The following DMD variants were observed in gnomAD, a reference collection of about 807,000 sequenced individuals.
DMD encodes the protein mutant dystrophin.
In DMD, 63 loss-of-function variants were observed where a neutral mutation model predicts 330.1. The ratio of observed to expected loss-of-function variants is 0.19; its 90% CI spans 0.16 to 0.24. The LOEUF (loss-of-function observed/expected upper bound fraction) is 0.24, where lower values mean the gene tolerates loss of function less well. DMD is among the 10% of genes least tolerant of loss of function. DMD has a pLI of 1.00. For missense variants in DMD, 3,344 were observed against 2,684.1 expected (o/e 1.25, Z -5.43); for synonymous variants, 1,223 against 959.8 (o/e 1.27, Z -5.07).
intron 1 of DMD, among the ~76,000 whole-genome samples, chrX:33,062,943 A>G (rs2094600106): frequency 2.7e-5 from 3 of 112,227 alleles, no homozygotes. Flanking sequence ...TCAATTCACC[A>G]TCTGTGCCAC....
intron 44 of DMD, among the ~76,000 whole-genome samples, chrX:32,121,983 A>AG (rs1387427985): frequency 9.0e-6 from 1 of 110,657 alleles, no homozygotes; most frequent in East Asian, 2.9e-4. Flanking sequence ...ATGGTGAACT[A>AG]GGGACAAAGT....
chrX:31,408,023 G>A (rs2148877243), intron 60 of DMD, among the ~76,000 whole-genome samples: 1 of 112,205 alleles, frequency 8.9e-6, no homozygotes, highest in South Asian at 3.7e-4. Flanking sequence ...GGTCTAAAAT[G>A]TTTCGATTTA....
At chrX:31,362,482 C>G (rs2058989574) in intron 60 of DMD, among the ~76,000 whole-genome samples, 1 of 112,146 alleles carries the variant, frequency 8.9e-6, no homozygotes, top group South Asian at 3.7e-4. Context: ...AGGCTTGGGT[C>G]CCATCCCAAG....
At chrX:31,376,995 T>C (rs368719376) in intron 60 of DMD, among the ~76,000 whole-genome samples, 9 of 112,203 alleles carry the variant, frequency 8.0e-5, no homozygotes, top group East Asian at 5.5e-4. Context: ...AAAAACAAAT[T>C]GCCCCATTTG....
At chrX:32,673,311 C>CCT (rs2061748829) in intron 9 of DMD, among the ~76,000 whole-genome samples, 1 of 111,271 alleles carries the variant, frequency 9.0e-6, no homozygotes, top group Non-Finnish European at 1.9e-5. Flanking sequence ...TATCCTAAGT[C>CCT]ATGTGCCTTA....
chrX:32,680,108 T>G (rs2062291956), intron 9 of DMD, among the ~76,000 whole-genome samples: 1 of 107,258 alleles, frequency 9.3e-6, no homozygotes. Context: ...GAGACGGGGC[T>G]TCACCATGTT....
At chrX:31,737,128 C>A (rs2086932960) in intron 51 of DMD, among the ~76,000 whole-genome samples, 1 of 111,648 alleles carries the variant, frequency 9.0e-6, no homozygotes, top group African/African-American at 3.2e-5. Context: ...AGAAGTTAAA[C>A]AATTTGTCTA....
intron 2 of DMD, among the ~76,000 whole-genome samples, chrX:32,916,317 A>G (rs983196364): frequency 1.8e-5 from 2 of 111,770 alleles, no homozygotes; most frequent in Non-Finnish European, 3.8e-5. Context: ...AAGGGTAACT[A>G]GAAATATTTT....
intron 65 of DMD, among the ~76,000 whole-genome samples, chrX:31,207,334 T>C (rs903755192): frequency 2.0e-4 from 22 of 112,106 alleles, no homozygotes; most frequent in Non-Finnish European, 3.8e-5. Context: ...TTTATTTGCA[T>C]AGCATTTTCT....
chrX:32,774,740 A>G (rs2073972889), intron 7 of DMD, among the ~76,000 whole-genome samples: 1 of 111,209 alleles, frequency 9.0e-6, no homozygotes, highest in Admixed American at 9.6e-5. Flanking sequence ...ACAATTTGAG[A>G]CAAAATTTGG....
Position 33,129,325 on chromosome X carries a change from C to CTTTTTTTTTT in DMD, c.31+81947_31+81956dup, listed in dbSNP as rs58505662. Among the ~76,000 whole-genome samples, 214 of 30,716 alleles carry CTTTTTTTTTT rather than the reference C, an allele frequency of 7.0e-3. 68 individuals are homozygous for CTTTTTTTTTT. Among genetic ancestry groups the CTTTTTTTTTT allele is most frequent in the Admixed American group, 8.5e-3 (13 of 1,529 alleles). 26.7% of individuals were successfully genotyped at this position (30,716 alleles called of 115,157 possible). On this transcript the variant is annotated intron_variant, in intron 1 of 78. Coordinates refer to ENST00000357033, the MANE Select transcript of DMD (RefSeq NM_004006.3). ...AATCCAGAGTTACAGTTAAGGTTTG[C>CTTTTTTTTTT]TTTTTTTTTTTTTTTTTTTTTTTTT...
rs372336961 is a variant in DMD, at chrX:32,594,209, T to A, written c.1602+1548A>T. ...TCTAACTCAGGGTGTTAAGTATGCATCTCTCTTCCTTATTGGACTAAATGG... is the reference window on the plus strand; with the variant it reads ...TCTAACTCAGGGTGTTAAGTATGCAACTCTCTTCCTTATTGGACTAAATGG... On this transcript the variant is annotated intron_variant, in intron 13 of 78. Coordinates refer to ENST00000357033, the MANE Select transcript of DMD (RefSeq NM_004006.3). 8.0e-5 allele frequency among the ~76,000 whole-genome samples: 9 copies of A among 111,963 alleles called. No homozygotes were observed. In the South Asian group the frequency reaches 3.3e-3, roughly 41 times the overall value.
intron 5 of DMD, among the ~76,000 whole-genome samples, chrX:32,818,398 G>T (rs2077935720): frequency 9.0e-6 from 1 of 111,022 alleles, no homozygotes; most frequent in African/African-American, 3.3e-5. Flanking sequence ...AATAATAAAG[G>T]GCAATGTATG....
rs1569539279 is a variant in DMD at position 32,887,769 on chromosome X, A to AC, written c.94-37950_94-37949insG. Among the ~76,000 whole-genome samples, 29 of 102,103 alleles carry AC rather than the reference A, an allele frequency of 2.8e-4. 1 individual carries two copies. The highest frequency in any genetic ancestry group is 6.9e-4 in the African/African-American group (19 of 27,341). The allele number at this position is 102,103 out of a possible 115,157, so 88.7% of individuals were successfully genotyped here. On this transcript the variant is annotated intron_variant, in intron 2 of 78. Transcript: ENST00000357033. The stretch of plus-strand genomic sequence containing the variant: ...TCAAAAAAAAAAAAAAAAAAAAAAA[A>AC]AAAAAAACATCAACTAAAAGCTTAT...
intron 43 of DMD, among the ~76,000 whole-genome samples, chrX:32,260,617 T>G (rs534417659): frequency 3.9e-4 from 44 of 111,867 alleles, no homozygotes; most frequent in African/African-American, 1.4e-3. Flanking sequence ...AATTTGAAGC[T>G]GAAGCATTTT....
intron 29 of DMD, chrX:32,412,134 C>T (rs1440368895): frequency 5.2e-6 from 6 of 1,149,199 alleles, no homozygotes; most frequent in Middle Eastern, 2.5e-4. Context: ...GGGATCTCTG[C>T]ATGAAAATCA....
At chrX:32,322,842 G>A (rs186555532) in intron 41 of DMD, among the ~76,000 whole-genome samples, 12 of 111,883 alleles carry the variant, frequency 1.1e-4, no homozygotes, top group East Asian at 8.5e-4. Context: ...TAAAAAAAGA[G>A]GAGAGATATT....
At chrX:32,201,005 A>T (rs1469133364) in intron 44 of DMD, among the ~76,000 whole-genome samples, 3 of 111,731 alleles carry the variant, frequency 2.7e-5, no homozygotes, top group Non-Finnish European at 5.6e-5. Context: ...TTCAGTGTTG[A>T]TGTCATATTG....
intron 60 of DMD, among the ~76,000 whole-genome samples, chrX:31,387,984 C>T (rs1331091361): frequency 9.2e-6 from 1 of 108,523 alleles, no homozygotes; most frequent in East Asian, 2.9e-4. Context: ...TGTTTATCAT[C>T]TTTCTTCTTT....
Sources: gnomAD v4.1 joint callset for allele counts (sites outside exome capture counted in the v4.1 genomes callset) on GRCh38, gnomAD v4.1.1 for gene constraint, MANE v1.5 for transcripts, NCBI Gene and HGNC (gene_info 2026-07-23, HGNC 2026-07-21) for gene names.